Variants in ARNT2 observed in about 807,000 individuals in gnomAD.
ARNT2 encodes ARNT protein 2.
A neutral mutation model predicts 91.7 loss-of-function variants in ARNT2; 36 were observed. The ratio of observed to expected loss-of-function variants is 0.39; its 90% confidence interval spans 0.30 to 0.52. The LOEUF is 0.52. Ranked by LOEUF, ARNT2 falls within the 20% of genes least tolerant of loss-of-function variation. ARNT2 has a pLI of 0.72. For missense variants in ARNT2, 775 were observed against 939.3 expected, an observed-to-expected ratio of 0.83 and a Z score of 2.29; for synonymous variants, 365 against 347.1, an observed-to-expected ratio of 1.05 and a Z score of -0.57.
intron 1 of ARNT2, among the ~76,000 whole-genome samples, chr15:80,446,244 G>A (rs574045558): frequency 2.0e-5 from 3 of 152,190 alleles, no homozygotes; most frequent in East Asian, 3.9e-4. Flanking sequence ...TGTGCTAGGC[G>A]AAAGTAACAG....
chr15:80,432,674 C>G (rs998782636), intron 1 of ARNT2, among the ~76,000 whole-genome samples: 1 of 151,962 alleles, frequency 6.6e-6, no homozygotes, highest in Non-Finnish European at 1.5e-5. Flanking sequence ...GGAGATGGAT[C>G]TTCTGCTTGG....
chr15:80,564,210 G>A (rs1278329546), intron 12 of ARNT2, among the ~76,000 whole-genome samples: 1 of 151,988 alleles, frequency 6.6e-6, no homozygotes, highest in East Asian at 1.9e-4. Flanking sequence ...GCACTCAGTC[G>A]GGGGACCTGT....
chr15:80,510,605 C>A (rs1441280771), intron 6 of ARNT2, among the ~76,000 whole-genome samples: 1 of 61,586 alleles, frequency 1.6e-5, no homozygotes, highest in African/African-American at 5.7e-5. Context: ...CCAAGGCGGG[C>A]AGATCACGAG....
chr15:80,582,008 G>A (rs1372248588), intron 17 of ARNT2, among the ~76,000 whole-genome samples: 2 of 152,184 alleles, frequency 1.3e-5, no homozygotes, highest in African/African-American at 4.8e-5. Context: ...CGTGGTCCTG[G>A]TAAGAAGTCC....
intron 5 of ARNT2, among the ~76,000 whole-genome samples, chr15:80,481,450 C>A (rs1419927732): frequency 1.3e-5 from 2 of 152,224 alleles, no homozygotes; most frequent in Non-Finnish European, 2.9e-5. Flanking sequence ...TGGCTCACAC[C>A]TGTACTCCCA....
chr15:80,527,350 G>T (rs564407212), intron 8 of ARNT2, among the ~76,000 whole-genome samples: 1 of 152,320 alleles, frequency 6.6e-6, no homozygotes, highest in African/African-American at 2.4e-5. Context: ...ATGTAGGAGA[G>T]AAATGCCATT....
intron 1 of ARNT2, among the ~76,000 whole-genome samples, chr15:80,450,451 C>T (rs2278706): frequency 0.4 from 60,968 of 151,932 alleles, 12,427 homozygotes; most frequent in East Asian, 0.55. Context: ...GGGGCAGTGG[C>T]GGGCACTGCA....
At chr15:80,552,918 G>C in intron 10 of ARNT2, 144 bp downstream of exon 10, 2 of 1,027,306 alleles carry the variant, frequency 1.9e-6, no homozygotes, top group Non-Finnish European at 2.7e-6. Context: ...TAGAACGATA[G>C]ATATCCTTCC....
At chr15:80,455,974 CCCAT>C (rs1476048705) in intron 2 of ARNT2, among the ~76,000 whole-genome samples, 2 of 152,072 alleles carry the variant, frequency 1.3e-5, no homozygotes, top group Non-Finnish European at 2.9e-5. Flanking sequence ...ATCGCTCTTC[CCCAT>C]GGTGAACACT....
In ARNT2 at chr15:80,472,185, A is replaced by G. The variant is rs368721659; in HGVS notation, c.408+1754A>G. 2.6e-5 allele frequency among the ~76,000 whole-genome samples: 4 copies of G among 152,284 alleles called. No homozygotes were observed. The South Asian group carries it at 6.2e-4, about 24-fold the overall frequency. On this transcript the variant is annotated intron_variant, in intron 4 of 18. Coordinates refer to ENST00000303329, the MANE Select transcript of ARNT2 (RefSeq NM_014862.4). The stretch of plus-strand genomic sequence containing the variant: ...TAGGAAATGCAAAAGTATGTAGGGT[A>G]TAGGGTCCTAAAAGTAATGGAGGAT...
chr15:80,507,904 G>A (rs973517727), intron 5 of ARNT2, among the ~76,000 whole-genome samples: 9 of 152,310 alleles, frequency 5.9e-5, no homozygotes, highest in Non-Finnish European at 1.2e-4. Context: ...GACTGCAGGC[G>A]ACGGAATCCA....
Position 80,591,555 on chromosome 15 carries a change from TC to T in ARNT2, c.1919-12del. 6.2e-7 allele frequency: 1 copy of T among 1,614,028 alleles called. No homozygotes were observed. Among genetic ancestry groups the T allele is most frequent in the Non-Finnish European group, 8.5e-7 (1 of 1,179,966 alleles). On this transcript the variant is annotated splice_polypyrimidine_tract_variant and intron_variant, in intron 17 of 18. Coordinates refer to ENST00000303329, the MANE Select transcript of ARNT2 (RefSeq NM_014862.4). This position sits in a 1 kb window ranked among gnomAD's most constrained non-coding sequence, Gnocchi z 5.1. ...GCTTTTAAAGGAAGTGTCCTGTGTG[TC>T]GAATCTTTCAGCTGAAAGTGGACAA...
At chr15:80,435,436 G>A (rs1475844109) in intron 1 of ARNT2, among the ~76,000 whole-genome samples, 32 of 152,176 alleles carry the variant, frequency 2.1e-4, no homozygotes, top group Non-Finnish European at 1.5e-5. Context: ...TTGCTGCTGA[G>A]CGGAGGCTGC....
chr15:80,464,077 T>C (rs1896610512), intron 3 of ARNT2, among the ~76,000 whole-genome samples: 1 of 152,150 alleles, frequency 6.6e-6, no homozygotes. Context: ...AGTCCTGAGC[T>C]GTGTCTCTTT....
chr15:80,484,849 G>A (rs529537220), intron 5 of ARNT2, among the ~76,000 whole-genome samples: 98 of 152,320 alleles, frequency 6.4e-4, no homozygotes, highest in East Asian at 1.4e-3. Flanking sequence ...GAGGCAGCGG[G>A]GGAGTGGAAG....
In ARNT2 at chr15:80,470,296, C is replaced by T. The variant is rs1332716913; in HGVS notation, c.273C>T (p.Pro91=). ...TCACGGAGCTCTCCGACATGGTCCC[C>T]ACATGCAGCGCACTGGCTCGGAAGC... The part of the protein sequence containing the change: ...QYITELSDMV[P]TCSALARKPD... Residue 91 remains proline (P), a synonymous_variant, in exon 4 of 19, where the codon CCC becomes CCT. Transcript: ENST00000303329. 1.2e-6 allele frequency: 2 copies of T among 1,614,190 alleles called. No homozygotes were observed. The highest frequency in any genetic ancestry group is 1.7e-6 in the Non-Finnish European group (2 of 1,180,038).
intron 11 of ARNT2, chr15:80,555,567 C>T (rs1415911351): frequency 6.2e-6 from 1 of 161,586 alleles, no homozygotes; most frequent in Non-Finnish European, 1.4e-5. Flanking sequence ...GTGACACTGG[C>T]TGACTTGGAG....
chr15:80,519,308 G>T (rs1336890377), intron 8 of ARNT2, among the ~76,000 whole-genome samples: 1 of 152,182 alleles, frequency 6.6e-6, no homozygotes, highest in Non-Finnish European at 1.5e-5. Flanking sequence ...GGTGGATATG[G>T]GGGGAAGAGG....
chr15:80,489,471 T>A (rs1314838586), intron 5 of ARNT2, among the ~76,000 whole-genome samples: 1 of 152,246 alleles, frequency 6.6e-6, no homozygotes, highest in Non-Finnish European at 1.5e-5. Context: ...TAAATTACTC[T>A]GCAATGAGCT....
Sources: gnomAD v4.1 joint callset for allele counts (sites outside exome capture counted in the v4.1 genomes callset) on GRCh38, gnomAD v4.1.1 for gene constraint, Gnocchi (gnomAD v3.1) non-coding constraint, MANE v1.5 for transcripts, NCBI Gene and HGNC (gene_info 2026-07-23, HGNC 2026-07-21) for gene names.